Variants in SLC22A2 observed in about 807,000 individuals in gnomAD.
SLC22A2 encodes organic cation transporter 2.
Under a neutral mutation model 60.5 loss-of-function variants are expected in SLC22A2, and 46 were observed. That is an observed-to-expected ratio of 0.76 (90% confidence interval 0.60 to 0.97). The LOEUF (loss-of-function observed/expected upper bound fraction) is 0.97. Among genes scored for constraint, SLC22A2 ranks in the 50% least tolerant of loss-of-function variants. SLC22A2 has a pLI of 0.00. For synonymous variants in SLC22A2, 303 were observed against 267.0 expected, an observed-to-expected ratio of 1.13 and a Z score of -1.31; for missense variants, 701 against 706.6, an observed-to-expected ratio of 0.99 and a Z score of 0.09.
Position 160,249,314 on chromosome 6 carries a change from C to G in SLC22A2, c.744G>C (p.Gly248=). ...GIFYQVAYTV[G]LLVLAGVAYA... The stretch of plus-strand genomic sequence containing the variant: ...AAGCCACCCCAGCTAGCACCAGGAG[C>G]CCAACTGTATAGGCAACTTGGTAAA... Residue 248 remains glycine (G), a synonymous_variant, in exon 4 of 11, where the codon GGG becomes GGC. Transcript: ENST00000366953. 6.2e-7 allele frequency: 1 copy of G among 1,613,406 alleles called. No homozygotes were observed.
In SLC22A2 at chr6:160,241,465, A is replaced by AT; in HGVS notation, c.1501+8dup. On this transcript the variant is annotated intron_variant, in intron 9 of 10. Coordinates refer to ENST00000366953, the MANE Select transcript of SLC22A2 (RefSeq NM_003058.4). ...TTTTCACTTAAAGACATCTGTGAAG[A>AT]TTTCTTACCGAAAACCATCAGCGGG... 1 of 1,584,356 alleles carries AT rather than the reference A, an allele frequency of 6.3e-7. No homozygotes were observed. The highest frequency in any genetic ancestry group is 8.7e-7 in the Non-Finnish European group (1 of 1,153,100).
intron 10 of SLC22A2, among the ~76,000 whole-genome samples, chr6:160,218,597 T>A (rs970720913): frequency 8.1e-4 from 2 of 2,482 alleles, no homozygotes; most frequent in Admixed American, 0.011. Context: ...AACAATAGGA[T>A]CCTCAGTAGT....
At chr6:160,219,152 A>ACAACAGCAGCAGCAACATCAG in intron 10 of SLC22A2, among the ~76,000 whole-genome samples, 1 of 66 alleles carries the variant, frequency 0.015, no homozygotes, top group Non-Finnish European at 0.02. Context: ...ACCAGCAGTA[A>ACAACAGCAGCAGCAACATCAG]CAACAGCAGC....
At chr6:160,237,140 C>T (rs1782923216) in intron 9 of SLC22A2, among the ~76,000 whole-genome samples, 1 of 152,048 alleles carries the variant, frequency 6.6e-6, no homozygotes, top group South Asian at 2.1e-4. Context: ...TTAGACTGAC[C>T]CTGCTCATTC....
At chr6:160,222,298 A>T (rs1782655487) in intron 10 of SLC22A2, among the ~76,000 whole-genome samples, 1 of 152,202 alleles carries the variant, frequency 6.6e-6, no homozygotes, top group Non-Finnish European at 1.5e-5. Context: ...GTGAGTAGGT[A>T]CTGTTGTCCC....
intron 9 of SLC22A2, among the ~76,000 whole-genome samples, chr6:160,233,970 C>T (rs1431574441): frequency 6.6e-6 from 1 of 152,106 alleles, no homozygotes. Flanking sequence ...TCCCCTGTGA[C>T]CTGCACGTAT....
intron 9 of SLC22A2, among the ~76,000 whole-genome samples, chr6:160,231,032 T>C (rs544904131): frequency 6.6e-6 from 1 of 151,992 alleles, no homozygotes; most frequent in East Asian, 1.9e-4. Flanking sequence ...GGGTAACTCT[T>C]ATGGTGGAGG....
chr6:160,250,553 A>G lies in SLC22A2; in HGVS notation c.668T>C (p.Ile223Thr). 6.2e-7 allele frequency: 1 copy of G among 1,614,050 alleles called. No homozygotes were observed. Among genetic ancestry groups the G allele is most frequent in the Middle Eastern group, 1.6e-4 (1 of 6,062 alleles). Residue 223 changes from isoleucine to threonine, a missense_variant, in exon 3 of 11, where the codon ATC (isoleucine) becomes ACC (threonine). Ile to Thr is a moderately conservative substitution (Grantham distance 89). Transcript: ENST00000366953. ...GCAAGCACAAACATTCTTACTCAGG[A>G]TGTAGCCTATTAACCAGCCTGCTTT... Reference protein sequence around the residue: ...VSKAGWLIGYILITEFVGRRY... With the variant: ...VSKAGWLIGYTLITEFVGRRY...
At chr6:160,219,482 A>G (rs1326548865) in intron 10 of SLC22A2, among the ~76,000 whole-genome samples, 1 of 148,994 alleles carries the variant, frequency 6.7e-6, no homozygotes, top group Non-Finnish European at 1.5e-5. Context: ...CATGAGCCCA[A>G]CCCTCTGATG....
Position 160,258,800 on chromosome 6 carries a change from G to T in SLC22A2, c.-43C>A. On this transcript the variant is annotated 5_prime_UTR_variant, in exon 1 of 11. Coordinates refer to ENST00000366953, the MANE Select transcript of SLC22A2 (RefSeq NM_003058.4). ...GGCCCGAGGCTGCCCGACGTGCCCG[G>T]AGCGAGGCTGAGAGCGGCTGCAGCC... 1 of 1,500,958 alleles carries T rather than the reference G, an allele frequency of 6.7e-7. No individual in the cohort carries two copies. 93.0% of individuals were successfully genotyped at this position (1,500,958 alleles called of 1,614,324 possible).
intron 9 of SLC22A2, among the ~76,000 whole-genome samples, chr6:160,231,221 T>C (rs1782818835): frequency 1.3e-5 from 2 of 151,820 alleles, no homozygotes; most frequent in Admixed American, 6.6e-5. Context: ...TGCACTCTTT[T>C]TTCAGTTATC....
chr6:160,256,473 T>C, intron 2 of SLC22A2, 141 bp downstream of exon 2: 1 of 631,034 alleles, frequency 1.6e-6, no homozygotes, highest in Non-Finnish European at 2.8e-6. Context: ...AATTTAAGAT[T>C]GTAAAAACAC....
chr6:160,250,779 T>G, intron 2 of SLC22A2, 77 bp from the exon 3 acceptor site: 1 of 1,458,470 alleles, frequency 6.9e-7, no homozygotes, highest in South Asian at 1.2e-5. Context: ...ATGGAAGTTA[T>G]GGAAATCTAA....
Position 160,224,738 on chromosome 6 carries a change from G to C in SLC22A2, c.1568C>G (p.Pro523Arg). 3.1e-6 allele frequency: 5 copies of C among 1,607,886 alleles called. No homozygotes were observed. Among genetic ancestry groups the C allele is most frequent in the Non-Finnish European group, 4.2e-6 (5 of 1,176,500 alleles). The stretch of plus-strand genomic sequence containing the variant: ...ATTTTCGGCTTCCTCGATGGTCTCA[G>C]GCAAAGCTTTCCCTTTAGTTTCTGG... ...LLPETKGKAL[P>R]ETIEEAENMQ... The change falls in exon 10 of 11, where the codon CCT (proline) becomes CGT (arginine). Residue 523 changes from proline to arginine, a missense_variant. Coordinates refer to ENST00000366953, the MANE Select transcript of SLC22A2 (RefSeq NM_003058.4).
chr6:160,221,803 C>T (rs1782648502), intron 10 of SLC22A2, among the ~76,000 whole-genome samples: 1 of 152,088 alleles, frequency 6.6e-6, no homozygotes, highest in South Asian at 2.1e-4. Context: ...GTTTGTGGTG[C>T]CCTAAAACAA....
chr6:160,228,718 C>T (rs1782768261), intron 9 of SLC22A2, among the ~76,000 whole-genome samples: 1 of 152,010 alleles, frequency 6.6e-6, no homozygotes, highest in South Asian at 2.1e-4. Context: ...ATCCAGATGG[C>T]CTGAAGTAAC....
Position 160,258,360 on chromosome 6 carries a change from G to C in SLC22A2, c.398C>G (p.Ser133Trp), listed in dbSNP as rs771411024. 5 of 1,610,114 alleles carry C rather than the reference G, an allele frequency of 3.1e-6. No homozygotes were observed. The highest frequency in any genetic ancestry group is 4.2e-6 in the Non-Finnish European group (5 of 1,178,200). Residue 133 changes from serine to tryptophan, a missense_variant, in exon 1 of 11, where the codon TCG (serine) becomes TGG (tryptophan). By Grantham distance (177) the Ser-to-Trp change is radical. Coordinates refer to ENST00000366953, the MANE Select transcript of SLC22A2 (RefSeq NM_003058.4). ...CTCTCTTACCTCGGTGACGATGGAC[G>C]AGCCAGGCGTCTCGTACACCCAGCC... Reference protein sequence around the residue: ...RDGWVYETPGSSIVTEFNLVC... With the variant: ...RDGWVYETPGWSIVTEFNLVC...
rs570029058 is a variant in SLC22A2 at position 160,232,801 on chromosome 6, G to C, written c.1502-7997C>G. Among the ~76,000 whole-genome samples, 171 of 151,888 alleles carry C rather than the reference G, an allele frequency of 1.1e-3. 5 individuals are homozygous for C. Among genetic ancestry groups the C allele is most frequent in the African/African-American group, 3.8e-3 (158 of 41,254 alleles). On this transcript the variant is annotated intron_variant, in intron 9 of 10. Coordinates refer to ENST00000366953, the MANE Select transcript of SLC22A2 (RefSeq NM_003058.4). ...TAGCATTCCAACTTCTATCCCTCAC[G>C]GCAGTTTTTCTCCTTCTCATCTGAC... is the stretch of plus-strand genomic sequence containing the variant.
At chr6:160,231,638 G>A (rs759802979) in intron 9 of SLC22A2, among the ~76,000 whole-genome samples, 6 of 151,688 alleles carry the variant, frequency 4.0e-5, no homozygotes, top group African/African-American at 9.7e-5. Context: ...CAGGATCTGC[G>A]CCTTATCAAC....
Sources: gnomAD v4.1 joint callset for allele counts (sites outside exome capture counted in the v4.1 genomes callset) on GRCh38, gnomAD v4.1.1 for gene constraint, MANE v1.5 for transcripts, NCBI Gene and HGNC (gene_info 2026-07-23, HGNC 2026-07-21) for gene names.